Variants in MICU3 observed in about 807,000 individuals in gnomAD.
MICU3 encodes mitochondrial calcium uptake 3.
MICU3 carries 62 observed loss-of-function variants against 66.5 expected under a neutral mutation model. That is an observed-to-expected ratio of 0.93 (90% CI 0.76 to 1.15). The LOEUF (loss-of-function observed/expected upper bound fraction) is 1.15. Ranked by LOEUF, MICU3 falls within the 50% of genes most tolerant of loss-of-function variation. The pLI, the probability that MICU3 is intolerant of heterozygous loss-of-function variation, is 0.00. For synonymous variants in MICU3, 308 were observed against 240.7 expected, an observed-to-expected ratio of 1.28 and a Z score of -2.59; for missense variants, 779 against 664.4, an observed-to-expected ratio of 1.17 and a Z score of -1.90.
chr8:17,099,725 T>C (rs1175328762), intron 9 of MICU3, among the ~76,000 whole-genome samples: 1 of 151,790 alleles, frequency 6.6e-6, no homozygotes, highest in Non-Finnish European at 1.5e-5. Flanking sequence ...AGGCACATTG[T>C]AGTAGTCAGT....
At chr8:17,096,064 A>G (rs983196622) in intron 8 of MICU3, among the ~76,000 whole-genome samples, 2 of 151,960 alleles carry the variant, frequency 1.3e-5, no homozygotes, top group Non-Finnish European at 2.9e-5. Context: ...ATGAAGGTCT[A>G]CACATTTTAC....
intron 3 of MICU3, among the ~76,000 whole-genome samples, chr8:17,076,904 G>A (rs1820466412): frequency 1.3e-5 from 2 of 152,178 alleles, no homozygotes; most frequent in Admixed American, 1.3e-4. Context: ...TTCTGTGTTT[G>A]TCTAATGTGT....
chr8:17,136,328 G>A, the MICU3 span, among the ~76,000 whole-genome samples: 1 of 151,956 alleles, frequency 6.6e-6, no homozygotes, highest in African/African-American at 2.4e-5. Context: ...TTATTTTATT[G>A]TAAAGCGATG....
intron 3 of MICU3, among the ~76,000 whole-genome samples, chr8:17,070,194 C>A (rs1240708799): frequency 6.6e-6 from 1 of 151,788 alleles, no homozygotes; most frequent in Admixed American, 6.6e-5. Flanking sequence ...GAGAGGTTCA[C>A]AAGAATGTTT....
At chr8:17,068,252 G>C (rs1019972933) in intron 2 of MICU3, among the ~76,000 whole-genome samples, 2 of 152,062 alleles carry the variant, frequency 1.3e-5, no homozygotes, top group Admixed American at 1.3e-4. Context: ...TGGCTCTTTA[G>C]TCTTTATTTA....
At chr8:17,033,507 C>G (rs1812437843) in intron 1 of MICU3, among the ~76,000 whole-genome samples, 1 of 152,072 alleles carries the variant, frequency 6.6e-6, no homozygotes, top group African/African-American at 2.4e-5. Context: ...GTGATCTCCA[C>G]TCACTGCAAG....
At chr8:17,077,703 A>T (rs1037024191) in intron 3 of MICU3, 80 bp from the exon 4 acceptor site, 3 of 964,944 alleles carry the variant, frequency 3.1e-6, no homozygotes, top group Middle Eastern at 2.8e-4. Flanking sequence ...AGAATTTGGC[A>T]TGGACATTTA....
chr8:17,103,533 C>T (rs1801464577), intron 9 of MICU3, among the ~76,000 whole-genome samples: 1 of 151,370 alleles, frequency 6.6e-6, no homozygotes, highest in South Asian at 2.1e-4. Flanking sequence ...GAATTTTATG[C>T]TTTTTGTACC....
intron 4 of MICU3, among the ~76,000 whole-genome samples, chr8:17,078,841 C>G (rs1435136215): frequency 1.3e-5 from 2 of 151,730 alleles, no homozygotes; most frequent in Non-Finnish European, 2.9e-5. Context: ...TTCAAGAAAC[C>G]TAGGCCAAAG....
intron 1 of MICU3, among the ~76,000 whole-genome samples, chr8:17,039,732 A>G (rs115726113): frequency 0.012 from 1,763 of 151,864 alleles, 37 homozygotes; most frequent in African/African-American, 0.04. Context: ...AATGAATGCT[A>G]TTTTCTACCC....
chr8:17,092,288 T>C (rs1009683424), intron 8 of MICU3, among the ~76,000 whole-genome samples: 6 of 152,082 alleles, frequency 3.9e-5, no homozygotes, highest in Non-Finnish European at 8.8e-5. Flanking sequence ...AGGGTCATTA[T>C]GCATTTTTTT....
chr8:17,076,926 C>G (rs1028782746), intron 3 of MICU3, among the ~76,000 whole-genome samples: 1 of 152,190 alleles, frequency 6.6e-6, no homozygotes, highest in African/African-American at 2.4e-5. Context: ...TCTAAGCAGA[C>G]TAACTTTGTT....
chr8:17,092,488 A>T (rs1800178387), intron 8 of MICU3, among the ~76,000 whole-genome samples: 1 of 151,954 alleles, frequency 6.6e-6, no homozygotes, highest in Non-Finnish European at 1.5e-5. Flanking sequence ...TTTTATTGTA[A>T]TATTTTTTCT....
At chr8:17,056,719 G>A (rs1224086022) in intron 1 of MICU3, among the ~76,000 whole-genome samples, 1 of 152,230 alleles carries the variant, frequency 6.6e-6, no homozygotes, top group East Asian at 1.9e-4. Context: ...CACAAGGGAT[G>A]TGATTAATTA....
chr8:17,030,531 T>C (rs1277785471), intron 1 of MICU3, among the ~76,000 whole-genome samples: 2 of 152,030 alleles, frequency 1.3e-5, no homozygotes, highest in Non-Finnish European at 2.9e-5. Context: ...TTGGTGAGTA[T>C]TATGGGCTTC....
intron 11 of MICU3, among the ~76,000 whole-genome samples, chr8:17,112,580 A>C (rs1563395271): frequency 6.6e-6 from 1 of 152,186 alleles, no homozygotes; most frequent in Non-Finnish European, 1.5e-5. Flanking sequence ...CAAAAGAATG[A>C]TTGTATGTTC....
chr8:17,062,987 C>T lies in MICU3; in HGVS notation c.382-1097C>T, dbSNP rs530654665. Among the ~76,000 whole-genome samples the T allele has an allele frequency of 2.6e-5, 4 of 152,082 alleles. No individual in the cohort carries two copies. In the East Asian group the frequency reaches 5.8e-4, roughly 22 times the overall value. Reference sequence around the variant, plus strand: ...GTAATAGCAAAAGATTAGAAGTCAACATGAATAACCAAGTAGAATTGTTTA... The same window carrying T: ...GTAATAGCAAAAGATTAGAAGTCAATATGAATAACCAAGTAGAATTGTTTA... On this transcript the variant is annotated intron_variant, in intron 1 of 14. Coordinates refer to ENST00000318063, the MANE Select transcript of MICU3 (RefSeq NM_181723.3).
intron 11 of MICU3, among the ~76,000 whole-genome samples, chr8:17,112,355 GTTCCA>G (rs1240362093): frequency 2.6e-5 from 4 of 152,106 alleles, no homozygotes; most frequent in African/African-American, 9.7e-5. Flanking sequence ...GTTAAGACAA[GTTCCA>G]TTCAAGTCCT....
intron 2 of MICU3, 115 bp from the exon 3 acceptor site, chr8:17,069,573 T>G: frequency 2.0e-6 from 1 of 497,956 alleles, no homozygotes. Context: ...AAGAAAACTT[T>G]GCCTTTTGGA....
Sources: gnomAD v4.1 joint callset for allele counts (sites outside exome capture counted in the v4.1 genomes callset) on GRCh38, gnomAD v4.1.1 for gene constraint, MANE v1.5 for transcripts, NCBI Gene and HGNC (gene_info 2026-07-23, HGNC 2026-07-21) for gene names.